Variants in TNRC18 observed in about 807,000 individuals in gnomAD.
TNRC18 encodes the protein trinucleotide repeat-containing gene 18 protein.
Under a neutral mutation model 226.7 loss-of-function variants are expected in TNRC18, and 69 were observed. The ratio of observed to expected loss-of-function variants is 0.30; its 90% CI spans 0.25 to 0.37. TNRC18 has a LOEUF of 0.37. TNRC18 is among the 10% of genes least tolerant of loss of function. The pLI, the probability that TNRC18 is intolerant of heterozygous loss-of-function variation, is 1.00. For missense variants in TNRC18, 4,754 were observed against 4,256.6 expected (o/e 1.12, Z -3.25); for synonymous variants, 2,449 against 1,927.6 (o/e 1.27, Z -7.09).
At position 5,388,762 on chromosome 7, in the gene TNRC18, G is replaced by C. The variant is rs572521818; in HGVS notation, c.1062C>G (p.Ala354=). 8.1e-6 allele frequency: 10 copies of C among 1,233,268 alleles called. 1 individual carries two copies. In the South Asian group the frequency reaches 2.3e-4, roughly 28 times the overall value. 76.4% of individuals were successfully genotyped at this position (1,233,268 alleles called of 1,614,324 possible). ...GPPAPPAATP[A]GVYTVFREQG... Reference sequence around the variant, plus strand: ...GCTCGCGGAAGACGGTGTAGACGCCGGCGGGGGTGGCCGCGGGGGGTGCAG... The same window carrying C: ...GCTCGCGGAAGACGGTGTAGACGCCCGCGGGGGTGGCCGCGGGGGGTGCAG... Residue 354 remains alanine, a synonymous_variant, in exon 5 of 30, where the codon GCC becomes GCG. Coordinates refer to ENST00000430969, the MANE Select transcript of TNRC18 (RefSeq NM_001080495.3).
At chr7:5,402,242 A>C (rs554513822) in intron 2 of TNRC18, among the ~76,000 whole-genome samples, 2 of 149,844 alleles carry the variant, frequency 1.3e-5, no homozygotes, top group South Asian at 4.2e-4. Flanking sequence ...TCCCAAAAAA[A>C]TTTTTTTTAG....
intron 5 of TNRC18, 121 bp downstream of exon 5, chr7:5,387,551 T>C: frequency 7.1e-7 from 1 of 1,401,006 alleles, no homozygotes; most frequent in Non-Finnish European, 9.7e-7. Context: ...AAGACCATTT[T>C]AAAAAATGAT....
Position 5,361,928 on chromosome 7 carries a change from G to A in TNRC18, c.4501C>T (p.Leu1501=), listed in dbSNP as rs747375280. 1.2e-6 allele frequency: 2 copies of A among 1,601,108 alleles called. No homozygotes were observed. Among genetic ancestry groups the A allele is most frequent in the South Asian group, 2.2e-5 (2 of 89,346 alleles). Residue 1501 remains leucine, a synonymous_variant, in exon 13 of 30, where the codon CTG becomes TTG. Coordinates refer to ENST00000430969, the MANE Select transcript of TNRC18 (RefSeq NM_001080495.3). ...TCCCGGCGGCGCTGCAGCTTCACCA[G>A]CTCACGCTGCTTCTCCTTGTACTGG... is the stretch of plus-strand genomic sequence containing the variant. The part of the protein sequence containing the change: ...QRQYKEKQRE[L]VKLQRRRDSE...
At chr7:5,335,914 T>G (rs1200050167) in intron 18 of TNRC18, among the ~76,000 whole-genome samples, 1 of 149,098 alleles carries the variant, frequency 6.7e-6, no homozygotes, top group African/African-American at 2.5e-5. Context: ...CAGTCCGCAA[T>G]TACTAGACAA....
chr7:5,329,473 C>A (rs1293977472), intron 19 of TNRC18, among the ~76,000 whole-genome samples: 1 of 151,708 alleles, frequency 6.6e-6, no homozygotes, highest in Non-Finnish European at 1.5e-5. Context: ...CATTTGAGGT[C>A]AGGAGTTCAA....
intron 27 of TNRC18, among the ~76,000 whole-genome samples, chr7:5,311,574 G>C (rs1287244251): frequency 1.3e-5 from 2 of 152,214 alleles, no homozygotes; most frequent in Non-Finnish European, 1.5e-5. Context: ...AGCACTCTGG[G>C]AGGCTGAGGC....
At position 5,388,808 on chromosome 7, in the gene TNRC18, G is replaced by A. The variant is rs1192709317; in HGVS notation, c.1016C>T (p.Pro339Leu). The A allele has an allele frequency of 3.4e-6, 4 of 1,191,038 alleles. No individual in the cohort carries two copies. Among genetic ancestry groups the A allele is most frequent in the South Asian group, 3.0e-5 (1 of 33,660 alleles). 73.8% of individuals were successfully genotyped at this position (1,191,038 alleles called of 1,614,324 possible). A position where few individuals can be genotyped will look rare whatever the true frequency, so the allele number is the denominator to read the frequency against. Residue 339 changes from proline to leucine, a missense_variant, in exon 5 of 30, where the codon CCC becomes CTC. Coordinates refer to ENST00000430969, the MANE Select transcript of TNRC18 (RefSeq NM_001080495.3). ...TGCAGGAGGCCCCTTGGGGGGCGCGGGCGGCGGGGGCAGCGGTGAGGGGCA... is the reference window on the plus strand; with the variant it reads ...TGCAGGAGGCCCCTTGGGGGGCGCGAGCGGCGGGGGCAGCGGTGAGGGGCA... ...RPCPSPLPPP[P>L]APPKGPPAPP...
Position 5,388,585 on chromosome 7 carries a change from G to A in TNRC18, c.1239C>T (p.Pro413=), listed in dbSNP as rs1043369602. ...EAGRPGVLQA[P]PGSPRPLDRP... ...GGTCCAGAGGCCGCGGGGAGCCGGGGGGCGCCTGCAGGACCCCTGGCCTGC... is the reference window on the plus strand; with the variant it reads ...GGTCCAGAGGCCGCGGGGAGCCGGGAGGCGCCTGCAGGACCCCTGGCCTGC... Residue 413 remains proline, a synonymous_variant, in exon 5 of 30, where the codon CCC becomes CCT. Coordinates refer to ENST00000430969, the MANE Select transcript of TNRC18 (RefSeq NM_001080495.3). 3.8e-6 allele frequency: 5 copies of A among 1,300,618 alleles called. No homozygotes were observed. Among genetic ancestry groups the A allele is most frequent in the Non-Finnish European group, 4.9e-6 (5 of 1,025,650 alleles). 80.6% of individuals were successfully genotyped at this position (1,300,618 alleles called of 1,614,324 possible). A position where few individuals can be genotyped will look rare whatever the true frequency, so the allele number is the denominator to read the frequency against.
In TNRC18 at chr7:5,388,927, T is replaced by A; in HGVS notation, c.897A>T (p.Glu299Asp). Residue 299 changes from glutamate (E) to aspartate (D), a missense_variant, in exon 5 of 30, where the codon GAA becomes GAT. By Grantham distance (45) the Glu-to-Asp change is conservative (BLOSUM62 2). Transcript: ENST00000430969. ...GDVGLPALVAEAGRGGAKEAA... is the reference protein window; with the variant it reads ...GDVGLPALVADAGRGGAKEAA... ...CCTCCTTGGCACCCCCGCGCCCCGC[T>A]TCGGCCACCAGCGCGGGCAGCCCCA... 7.3e-7 allele frequency: 1 copy of A among 1,376,636 alleles called. No individual in the cohort carries two copies. 85.3% of individuals were successfully genotyped at this position (1,376,636 alleles called of 1,614,324 possible).
chr7:5,415,377 T>C (rs1457995153), intron 2 of TNRC18, among the ~76,000 whole-genome samples: 1 of 136,916 alleles, frequency 7.3e-6, no homozygotes, highest in East Asian at 2.1e-4. Flanking sequence ...CTCTTTTTTT[T>C]TTTTTTTTTT....
At chr7:5,347,189 A>AAT (rs1348942017) in intron 17 of TNRC18, among the ~76,000 whole-genome samples, 3 of 132,264 alleles carry the variant, frequency 2.3e-5, no homozygotes, top group African/African-American at 8.4e-5. Flanking sequence ...AAAAAAAAAA[A>AAT]TTTTTTTTTT....
intron 19 of TNRC18, among the ~76,000 whole-genome samples, chr7:5,331,202 A>G (rs1789487181): frequency 6.6e-6 from 1 of 152,134 alleles, no homozygotes; most frequent in African/African-American, 2.4e-5. Context: ...GGTTCCTCCT[A>G]TATCAAGGGC....
At chr7:5,366,739 C>T (rs1056266057) in intron 11 of TNRC18, among the ~76,000 whole-genome samples, 1 of 152,134 alleles carries the variant, frequency 6.6e-6, no homozygotes, top group Non-Finnish European at 1.5e-5. Context: ...GCCTCGAGGT[C>T]CTGCGAGACT....
At position 5,324,976 on chromosome 7, in the gene TNRC18, C is replaced by T; in HGVS notation, c.6300+120G>A. 2 of 1,251,940 alleles carry T rather than the reference C, an allele frequency of 1.6e-6. No individual in the cohort carries two copies. Among genetic ancestry groups the T allele is most frequent in the Non-Finnish European group, 1.1e-6 (1 of 926,314 alleles). The allele number at this position is 1,251,940 out of a possible 1,614,324, so 77.6% of individuals were successfully genotyped here. ...CCACATCACCCTCGTCACCCGCAAC[C>T]TCTCTGAGCCACAGCTATAGGGAGG... On this transcript the variant is annotated intron_variant, in intron 20 of 29. Coordinates refer to ENST00000430969, the MANE Select transcript of TNRC18 (RefSeq NM_001080495.3). The surrounding 1 kb of genome is among the most constrained non-coding windows in gnomAD (Gnocchi z 4.8).
chr7:5,323,831 G>C (rs1011589667), intron 21 of TNRC18, among the ~76,000 whole-genome samples: 1 of 152,124 alleles, frequency 6.6e-6, no homozygotes, highest in East Asian at 1.9e-4. Context: ...GTCTCCTAAA[G>C]TGCTGGGATT....
At position 5,359,586 on chromosome 7, in the gene TNRC18, C is replaced by A; in HGVS notation, c.4662-17G>T. On this transcript the variant is annotated splice_polypyrimidine_tract_variant and intron_variant, in intron 14 of 29. Transcript: ENST00000430969. ...CTGCTCAGCCTGAAACGCAGACACA[C>A]TGCCGGTCAGCACCCTGGCCAGACA... 1.2e-6 allele frequency: 2 copies of A among 1,613,084 alleles called. No individual in the cohort carries two copies. The highest frequency in any genetic ancestry group is 1.7e-6 in the Non-Finnish European group (2 of 1,179,894).
chr7:5,388,512 G>A lies in TNRC18; in HGVS notation c.1312C>T (p.Arg438Trp), dbSNP rs1416483444. 7 of 1,326,758 alleles carry A rather than the reference G, an allele frequency of 5.3e-6. No homozygotes were observed. The highest frequency in any genetic ancestry group is 5.8e-6 in the Non-Finnish European group (6 of 1,043,238). 82.2% of individuals were successfully genotyped at this position (1,326,758 alleles called of 1,614,324 possible). ...EKNSVIRSLK[R>W]PPPADAPTVR... Reference sequence around the variant, plus strand: ...GTGGGGGCATCCGCGGGGGGCGGCCGCTTGAGCGAGCGGATGACCGAGTTC... The same window carrying A: ...GTGGGGGCATCCGCGGGGGGCGGCCACTTGAGCGAGCGGATGACCGAGTTC... The change falls in exon 5 of 30, where the codon CGG (arginine) becomes TGG (tryptophan). Residue 438 changes from arginine (R) to tryptophan (W), a missense_variant. Physicochemically the swap from Arg to Trp is moderately radical, Grantham distance 101. Transcript: ENST00000430969.
Position 5,377,312 on chromosome 7 carries a change from A to ACCCCCCCCCCCCCCCCCC in TNRC18, c.2461+58_2461+59insGGGGGGGGGGGGGGGGGG. On this transcript the variant is annotated intron_variant, in intron 7 of 29. Coordinates refer to ENST00000430969, the MANE Select transcript of TNRC18 (RefSeq NM_001080495.3). The surrounding 1 kb of genome is among the most constrained non-coding windows in gnomAD (Gnocchi z 5.8). ...AGCCAGCCCTGAGCTCTTGTCCTGC[A>ACCCCCCCCCCCCCCCCCC]CCCGCCCCCTCCCACCCCTCCCTCA... is the stretch of plus-strand genomic sequence containing the variant. 2 of 1,295,734 alleles carry ACCCCCCCCCCCCCCCCCC rather than the reference A, an allele frequency of 1.5e-6. No individual in the cohort carries two copies. The highest frequency in any genetic ancestry group is 2.1e-6 in the Non-Finnish European group (2 of 951,904). The allele number at this position is 1,295,734 out of a possible 1,614,324, so 80.3% of individuals were successfully genotyped here.
intron 10 of TNRC18, among the ~76,000 whole-genome samples, chr7:5,373,736 G>T (rs1794371245): frequency 6.6e-6 from 1 of 152,174 alleles, no homozygotes; most frequent in East Asian, 1.9e-4. Context: ...TCATCAGCAA[G>T]GCAGAACTTA....
Sources: allele counts gnomAD v4.1 joint callset (sites outside exome capture counted in the v4.1 genomes callset), GRCh38; gene constraint gnomAD v4.1.1; non-coding constraint Gnocchi (gnomAD v3.1); transcripts MANE v1.5; gene names NCBI Gene and HGNC (gene_info 2026-07-23, HGNC 2026-07-21).